Variants in HRNR observed in about 807,000 individuals in gnomAD.
HRNR encodes the protein filaggrin family member 3.
A neutral mutation model predicts 4.8 loss-of-function variants in HRNR; 7 were observed. That is an observed-to-expected ratio of 1.47 (90% CI 0.83 to 2.75). The LOEUF is 2.75. Ranked by LOEUF, HRNR falls within the 30% of genes most tolerant of loss-of-function variation. The probability of loss-of-function intolerance (pLI) is 0.00; values close to 1 mark genes in which losing one functional copy is unlikely to be tolerated. For missense variants in HRNR, 2,879 were observed against 3,010.4 expected, an observed-to-expected ratio of 0.96 and a Z score of 1.02; for synonymous variants, 1,023 against 1,242.7, an observed-to-expected ratio of 0.82 and a Z score of 3.72.
At position 152,220,796 on chromosome 1, in the gene HRNR, C is replaced by T. The variant is rs772449207; in HGVS notation, c.833G>A (p.Gly278Asp). Reference sequence around the variant, plus strand: ...ATGCTGACCATAGCTGGAAGACGAACCTGAGCTAGATCTGTGTCGTTCACC... The same window carrying T: ...ATGCTGACCATAGCTGGAAGACGAATCTGAGCTAGATCTGTGTCGTTCACC... ...SRGERHRSSS[G>D]SSSSYGQHGS... is the part of the protein sequence containing the mutation. Residue 278 changes from glycine to aspartate, a missense_variant, in exon 3 of 3, where the codon GGT becomes GAT. Gly to Asp is a moderately conservative substitution (Grantham distance 94). Transcript: ENST00000368801. The T allele has an allele frequency of 6.2e-7, 1 of 1,614,070 alleles. No individual in the cohort carries two copies. Among genetic ancestry groups the T allele is most frequent in the Non-Finnish European group, 8.5e-7 (1 of 1,179,994 alleles).
chr1:152,218,960 G>A lies in HRNR; in HGVS notation c.2669C>T (p.Ser890Phe). 2 of 1,613,904 alleles carry A rather than the reference G, an allele frequency of 1.2e-6. No individual in the cohort carries two copies. Among genetic ancestry groups the A allele is most frequent in the Non-Finnish European group, 1.7e-6 (2 of 1,179,938 alleles). Residue 890 changes from serine (S) to phenylalanine (F), a missense_variant, in exon 3 of 3, where the codon TCT becomes TTT. Around this residue, in one of 8 missense-constraint regions of HRNR, gnomAD observed 2,646 missense variants for 1,377.7 expected, o/e 1.92. Transcript: ENST00000368801. ...RGRHGSGSGQ[S>F]PGHGQRGSGS... is the part of the protein sequence containing the mutation. ...AGACCCACGCTGGCCGTGGCCTGGA[G>A]ACTGGCCAGATCCAGAGCCATGTCG...
intron 1 of HRNR, among the ~76,000 whole-genome samples, 173 bp from the exon 2 acceptor site, chr1:152,223,451 G>A (rs1649069313): frequency 6.6e-6 from 1 of 152,196 alleles, no homozygotes; most frequent in Admixed American, 6.5e-5. Flanking sequence ...AAGCCATGTA[G>A]CAAGAGAGTG....
Position 152,220,559 on chromosome 1 carries a change from TG to T in HRNR, c.1069del (p.Gln357SerfsTer228). 6.2e-7 allele frequency: 1 copy of T among 1,611,610 alleles called. No homozygotes were observed. Among genetic ancestry groups the T allele is most frequent in the Admixed American group, 1.7e-5 (1 of 59,920 alleles). On this transcript the variant is annotated frameshift_variant, in exon 3 of 3. Transcript: ENST00000368801. LOFTEE classifies it low-confidence loss of function (END_TRUNC). ...GFGQHESGSG[Q>X]SSGYSKHGSG... ...ACCATGCTTACTATAGCCAGAGGACTGTCCTGAGCCAGACTCATGTTGCCCA... is the reference window on the plus strand; with the variant it reads ...ACCATGCTTACTATAGCCAGAGGACTTCCTGAGCCAGACTCATGTTGCCCA...
rs4845745 is a variant in HRNR, at chr1:152,212,708, C to T, written c.*368G>A. 187,117 of 249,386 alleles carry T rather than the reference C, an allele frequency of 0.75. 72,445 individuals are homozygous for T. The highest frequency in any genetic ancestry group is 0.85 in the Non-Finnish European group (112,001 of 131,798). The allele number at this position is 249,386 out of a possible 1,614,324, so 15.4% of individuals were successfully genotyped here. On this transcript the variant is annotated 3_prime_UTR_variant, in exon 3 of 3. Transcript: ENST00000368801. Reference sequence around the variant, plus strand: ...GTAATGCATTTGTAATATTTTGCTTCTAAGAAATGTAAGGTTAGCTTTGGC... The same window carrying T: ...GTAATGCATTTGTAATATTTTGCTTTTAAGAAATGTAAGGTTAGCTTTGGC...
At chr1:152,221,771 A>C (rs1255116405) in intron 2 of HRNR, among the ~76,000 whole-genome samples, 4 of 152,238 alleles carry the variant, frequency 2.6e-5, no homozygotes, top group Non-Finnish European at 5.9e-5. Flanking sequence ...AATATGAATG[A>C]TTAGCTAATT....
chr1:152,218,523 T>C lies in HRNR; in HGVS notation c.3106A>G (p.Ser1036Gly), dbSNP rs776990903. 3.1e-6 allele frequency: 5 copies of C among 1,613,050 alleles called. No homozygotes were observed. Among genetic ancestry groups the C allele is most frequent in the Admixed American group, 1.7e-5 (1 of 59,962 alleles). ...GAGCCAGACTCATATGGGCCACGGC[T>C]TGAAGACCACCCTGAGCCAGACCTA... ...PYRSGSGWSS[S>G]RGPYESGSGH... The change falls in exon 3 of 3, where the codon AGC becomes GGC. Residue 1036 changes from serine (S) to glycine (G), a missense_variant. Ser to Gly is a moderately conservative substitution (Grantham distance 56). Coordinates refer to ENST00000368801, the MANE Select transcript of HRNR (RefSeq NM_001009931.3).
At chr1:152,222,142 G>C (rs1649024091) in intron 2 of HRNR, among the ~76,000 whole-genome samples, 1 of 152,110 alleles carries the variant, frequency 6.6e-6, no homozygotes, top group African/African-American at 2.4e-5. Flanking sequence ...AAAGAGAAGG[G>C]GAAAAGATTG....
In HRNR at chr1:152,218,976, A is replaced by C; in HGVS notation, c.2653T>G (p.Ser885Ala). The part of the protein sequence containing the change: ...HHASGRGRHG[S>A]GSGQSPGHGQ... ...TGGCCTGGAGACTGGCCAGATCCAG[A>C]GCCATGTCGGCCGCGGCCCGAAGCG... The change falls in exon 3 of 3, where the codon TCT becomes GCT. Residue 885 changes from serine to alanine, a missense_variant. Transcript: ENST00000368801. The C allele has an allele frequency of 6.2e-7, 1 of 1,608,698 alleles. No homozygotes were observed. Among genetic ancestry groups the C allele is most frequent in the Non-Finnish European group, 8.5e-7 (1 of 1,179,880 alleles).
chr1:152,219,271 C>G lies in HRNR; in HGVS notation c.2358G>C (p.Gly786=). 1 of 1,613,132 alleles carries G rather than the reference C, an allele frequency of 6.2e-7. No individual in the cohort carries two copies. The highest frequency in any genetic ancestry group is 1.1e-5 in the South Asian group (1 of 91,036). ...PSRVRHGSSS[G]HSSSHGQHGS... ...CGTGTTGGCCGTGGCTGGAGGAGTGCCCTGAACTGGACCCATGTCGGACAC... is the reference window on the plus strand; with the variant it reads ...CGTGTTGGCCGTGGCTGGAGGAGTGGCCTGAACTGGACCCATGTCGGACAC... Residue 786 remains glycine (G), a synonymous_variant, in exon 3 of 3, where the codon GGG becomes GGC. Transcript: ENST00000368801.
chr1:152,219,829 G>A lies in HRNR; in HGVS notation c.1800C>T (p.His600=), dbSNP rs60458005. The A allele has an allele frequency of 3.6e-4, 586 of 1,611,680 alleles. 1 individual carries two copies. The highest frequency in any genetic ancestry group is 2.6e-3 in the Middle Eastern group (16 of 6,040). ...RSGQSSGYGQ[H]GSSSGHSSTH... ...TAGAGGAATGACCCGAGCTAGATCC[G>A]TGTTGACCGTAGCCAGAGGACTGTC... The change falls in exon 3 of 3, where the codon CAC becomes CAT. Residue 600 remains histidine, a synonymous_variant. Coordinates refer to ENST00000368801, the MANE Select transcript of HRNR (RefSeq NM_001009931.3).
chr1:152,219,983 T>A lies in HRNR; in HGVS notation c.1646A>T (p.Glu549Val), dbSNP rs144160623. ...GCTGGAAGACTGCCTGGAACCAGACTCATGTCGGCCACGGCTAGGGCTAGG... is the reference window on the plus strand; with the variant it reads ...GCTGGAAGACTGCCTGGAACCAGACACATGTCGGCCACGGCTAGGGCTAGG... ...QSPSPSRGRHESGSRQSSSYG... is the reference protein window; with the variant it reads ...QSPSPSRGRHVSGSRQSSSYG... Residue 549 changes from glutamate to valine, a missense_variant, in exon 3 of 3, where the codon GAG becomes GTG. Glu to Val is a moderately radical substitution (Grantham distance 121). Coordinates refer to ENST00000368801, the MANE Select transcript of HRNR (RefSeq NM_001009931.3). 1.1e-5 allele frequency: 18 copies of A among 1,609,780 alleles called. No individual in the cohort carries two copies. The highest frequency in any genetic ancestry group is 3.4e-5 in the Admixed American group (2 of 59,634).
At position 152,220,061 on chromosome 1, in the gene HRNR, C is replaced by T; in HGVS notation, c.1568G>A (p.Gly523Asp). ...GCTGTGTCCCAAAGATTGACGGGAG[C>T]CAGACCCATGCTGACCATAGCTGGA... ...SSSSYGQHGS[G>D]SRQSLGHSRH... The change falls in exon 3 of 3, where the codon GGC becomes GAC. Residue 523 changes from glycine to aspartate, a missense_variant. By Grantham distance (94) the Gly-to-Asp change is moderately conservative (BLOSUM62 -1). Around this residue, in one of 8 missense-constraint regions of HRNR, gnomAD observed 2,646 missense variants for 1,377.7 expected, o/e 1.92. Transcript: ENST00000368801. The T allele has an allele frequency of 1.2e-6, 2 of 1,613,698 alleles. No individual in the cohort carries two copies. Among genetic ancestry groups the T allele is most frequent in the Non-Finnish European group, 1.7e-6 (2 of 1,179,868 alleles).
At position 152,218,714 on chromosome 1, in the gene HRNR, T is replaced by C. The variant is rs551048516; in HGVS notation, c.2915A>G (p.Gln972Arg). 8.2e-5 allele frequency: 132 copies of C among 1,613,556 alleles called. No homozygotes were observed. The East Asian group carries it at 1.9e-3, about 23-fold the overall frequency. ...SRSGQSSRSE[Q>R]HGSSSGSSSS... ...AGACGAACCTGAGCTAGATCCATGTTGTTCGCTCCTAGATGACTGTCCTGA... is the reference window on the plus strand; with the variant it reads ...AGACGAACCTGAGCTAGATCCATGTCGTTCGCTCCTAGATGACTGTCCTGA... The change falls in exon 3 of 3, where the codon CAA (glutamine) becomes CGA (arginine). Residue 972 changes from glutamine to arginine, a missense_variant. Gln to Arg is a conservative substitution (Grantham distance 43, BLOSUM62 1). This residue lies in a region of HRNR where 2,646 missense variants were observed against 1,377.7 expected (regional missense o/e 1.92). Transcript: ENST00000368801.
At position 152,212,672 on chromosome 1, in the gene HRNR, ATC is replaced by A. The variant is rs1557838879; in HGVS notation, c.*402_*403del. ...TAATTGCTGTAAAACAAAGCTTTGT[ATC>A]TAGGACTGGTAATGCATTTGTAATA... On this transcript the variant is annotated 3_prime_UTR_variant, in exon 3 of 3. Coordinates refer to ENST00000368801, the MANE Select transcript of HRNR (RefSeq NM_001009931.3). 3.9e-5 allele frequency: 9 copies of A among 231,370 alleles called. No homozygotes were observed. In the East Asian group the frequency reaches 1.1e-3, roughly 28 times the overall value. 14.3% of individuals were successfully genotyped at this position (231,370 alleles called of 1,614,324 possible). A position where few individuals can be genotyped will look rare whatever the true frequency, so the allele number is the denominator to read the frequency against.
Position 152,212,861 on chromosome 1 carries a change from C to G in HRNR, c.*215G>C. On this transcript the variant is annotated 3_prime_UTR_variant, in exon 3 of 3. Transcript: ENST00000368801. Reference sequence around the variant, plus strand: ...AACAAGTTATTCCACTCAGTATTTTCTAACAAAGTAGCACAAATGCCTAAC... The same window carrying G: ...AACAAGTTATTCCACTCAGTATTTTGTAACAAAGTAGCACAAATGCCTAAC... The G allele has an allele frequency of 1.6e-6, 1 of 636,736 alleles. No homozygotes were observed. The highest frequency in any genetic ancestry group is 2.1e-5 in the South Asian group (1 of 47,340). The allele number at this position is 636,736 out of a possible 1,614,324, so 39.4% of individuals were successfully genotyped here.
rs1369841835 is a variant in HRNR at position 152,218,917 on chromosome 1, G to T, written c.2712C>A (p.Pro904=). The T allele has an allele frequency of 2.5e-6, 4 of 1,613,336 alleles. No individual in the cohort carries two copies. Among genetic ancestry groups the T allele is most frequent in the Non-Finnish European group, 3.4e-6 (4 of 1,179,822 alleles). ...GQRGSGSGQS[P]SYGRHGSGSG... ...AGCCAGACCCATGTCGGCCATAGCT[G>T]GGAGACTGCCCTGACCCAGACCCAC... The change falls in exon 3 of 3, where the codon CCC becomes CCA. Residue 904 remains proline, a synonymous_variant. Coordinates refer to ENST00000368801, the MANE Select transcript of HRNR (RefSeq NM_001009931.3).
chr1:152,218,519 C>A lies in HRNR; in HGVS notation c.3110G>T (p.Arg1037Leu). 6.2e-7 allele frequency: 1 copy of A among 1,613,558 alleles called. No individual in the cohort carries two copies. Among genetic ancestry groups the A allele is most frequent in the Non-Finnish European group, 8.5e-7 (1 of 1,179,936 alleles). Residue 1037 changes from arginine to leucine, a missense_variant, in exon 3 of 3, where the codon CGT becomes CTT. Arg to Leu is a moderately radical substitution (Grantham distance 102). Transcript: ENST00000368801. ...ACCGGAGCCAGACTCATATGGGCCA[C>A]GGCTTGAAGACCACCCTGAGCCAGA... ...YRSGSGWSSS[R>L]GPYESGSGHS... is the part of the protein sequence containing the mutation.
chr1:152,213,094 C>A lies in HRNR; in HGVS notation c.8535G>T (p.Arg2845Ser). 2.5e-6 allele frequency: 4 copies of A among 1,613,388 alleles called. No individual in the cohort carries two copies. Among genetic ancestry groups the A allele is most frequent in the Non-Finnish European group, 3.4e-6 (4 of 1,179,688 alleles). Reference sequence around the variant, plus strand: ...TTATTATTCACTGATAAAAGTAGCACCTCTGCTCTTGGACATATTCATAGG... The same window carrying A: ...TTATTATTCACTGATAAAAGTAGCAACTCTGCTCTTGGACATATTCATAGG... Reference protein sequence around the residue: ...TSPYEYVQEQRCYFYQ With the variant: ...TSPYEYVQEQSCYFYQ The change falls in exon 3 of 3, where the codon AGG becomes AGT. Residue 2845 changes from arginine to serine, a missense_variant. This residue lies in a region of HRNR where 158 missense variants were observed against 107.6 expected (regional missense o/e 1.47). Coordinates refer to ENST00000368801, the MANE Select transcript of HRNR (RefSeq NM_001009931.3).
rs781384518 is a variant in HRNR, at chr1:152,220,019, G to T, written c.1610C>A (p.Ser537Tyr). The change falls in exon 3 of 3, where the codon TCT becomes TAT. Residue 537 changes from serine to tyrosine, a missense_variant. By Grantham distance (144) the Ser-to-Tyr change is moderately radical (BLOSUM62 -2). Transcript: ENST00000368801. Reference sequence around the variant, plus strand: ...ACGGCTAGGGCTAGGAGACTGGCCAGATCCAGACCCATGTCGGCTGTGTCC... The same window carrying T: ...ACGGCTAGGGCTAGGAGACTGGCCATATCCAGACCCATGTCGGCTGTGTCC... ...SLGHSRHGSG[S>Y]GQSPSPSRGR... 1.2e-6 allele frequency: 2 copies of T among 1,614,102 alleles called. No individual in the cohort carries two copies. The highest frequency in any genetic ancestry group is 1.1e-5 in the South Asian group (1 of 91,080).
Sources: allele counts gnomAD v4.1 joint callset (sites outside exome capture counted in the v4.1 genomes callset), GRCh38; gene constraint gnomAD v4.1.1; regional missense constraint gnomAD v4.1.1; transcripts MANE v1.5; gene names NCBI Gene and HGNC (gene_info 2026-07-23, HGNC 2026-07-21).